Variants in EDN1 observed in about 807,000 individuals in gnomAD.
The protein encoded by EDN1 is endothelin 1.
Under a neutral mutation model 21.7 loss-of-function variants are expected in EDN1, and 11 were observed. The observed-to-expected ratio is 0.51, with a 90% confidence interval of 0.32 to 0.84. The LOEUF (loss-of-function observed/expected upper bound fraction) is 0.84. EDN1 is among the 40% of genes least tolerant of loss of function. The pLI, the probability that EDN1 is intolerant of heterozygous loss-of-function variation, is 0.03. For synonymous variants in EDN1, 85 were observed against 90.6 expected, an observed-to-expected ratio of 0.94 and a Z score of 0.35; for missense variants, 244 against 262.3, an observed-to-expected ratio of 0.93 and a Z score of 0.48.
At chr6:12,270,658 T>A in the EDN1 span, among the ~76,000 whole-genome samples, 4 of 152,220 alleles carry the variant, frequency 2.6e-5, no homozygotes, top group Admixed American at 2.0e-4. Flanking sequence ...AATTTTGATT[T>A]AAAAATTTTT....
the EDN1 span, among the ~76,000 whole-genome samples, chr6:12,281,119 C>T: frequency 2.6e-5 from 4 of 152,166 alleles, no homozygotes; most frequent in Non-Finnish European, 2.9e-5. Context: ...TACATTCCGA[C>T]TGCCTGATTC....
the EDN1 span, among the ~76,000 whole-genome samples, chr6:12,271,602 T>A: frequency 1.3e-5 from 2 of 152,206 alleles, no homozygotes; most frequent in Non-Finnish European, 2.9e-5. Context: ...TATGAAAGAT[T>A]ATGTACCAAC....
At chr6:12,236,539 C>T in the EDN1 span, among the ~76,000 whole-genome samples, 17 of 152,066 alleles carry the variant, frequency 1.1e-4, no homozygotes, top group East Asian at 3.8e-4. Flanking sequence ...GGATTACAGG[C>T]GTGAGCCACC....
At chr6:12,274,259 A>G in the EDN1 span, among the ~76,000 whole-genome samples, 3 of 152,244 alleles carry the variant, frequency 2.0e-5, no homozygotes, top group Non-Finnish European at 4.4e-5. Context: ...ACAATTTAGA[A>G]AAGCATAAGG....
chr6:12,256,024 G>A, the EDN1 span, among the ~76,000 whole-genome samples: 2 of 152,146 alleles, frequency 1.3e-5, no homozygotes, highest in African/African-American at 4.8e-5. Context: ...GTAACCCACT[G>A]TAACTCCTCT....
At chr6:12,284,755 G>GAAAGA in the EDN1 span, among the ~76,000 whole-genome samples, 4 of 145,528 alleles carry the variant, frequency 2.7e-5, no homozygotes, top group Non-Finnish European at 6.2e-5. Flanking sequence ...AAGGAAGAAA[G>GAAAGA]AAAGAAAGAA....
the EDN1 span, among the ~76,000 whole-genome samples, chr6:12,281,637 A>G: frequency 6.7e-6 from 1 of 149,590 alleles, no homozygotes; most frequent in East Asian, 2.0e-4. Flanking sequence ...TGTCATTATT[A>G]ATAGTTTCAC....
the EDN1 span, among the ~76,000 whole-genome samples, chr6:12,283,774 C>A: frequency 1.3e-5 from 2 of 152,216 alleles, no homozygotes; most frequent in Non-Finnish European, 2.9e-5. Context: ...TCATCATAAG[C>A]CACCTGTGTT....
chr6:12,258,129 G>T, the EDN1 span, among the ~76,000 whole-genome samples: 3 of 151,874 alleles, frequency 2.0e-5, no homozygotes, highest in Non-Finnish European at 4.4e-5. Context: ...GCAAGCGGAG[G>T]TGCAGAGGGA....
intron 1 of EDN1, among the ~76,000 whole-genome samples, chr6:12,291,217 TC>T (rs56214323): frequency 0.2 from 18,160 of 91,604 alleles, 1,126 homozygotes; most frequent in East Asian, 0.27. Flanking sequence ...AACTACCGCC[TC>T]CCCCCCCCCC....
the EDN1 span, among the ~76,000 whole-genome samples, chr6:12,238,302 G>A: frequency 7.7e-3 from 1,166 of 152,196 alleles, 21 homozygotes; most frequent in African/African-American, 0.027. Flanking sequence ...CCTCTGGGGT[G>A]TGATAGCACA....
In EDN1 at chr6:12,292,445, T is replaced by A; in HGVS notation, c.169T>A (p.Ser57Thr). The A allele has an allele frequency of 6.2e-7, 1 of 1,614,230 alleles. No homozygotes were observed. Among genetic ancestry groups the A allele is most frequent in the South Asian group, 1.1e-5 (1 of 91,088 alleles). Residue 57 changes from serine (S) to threonine (T), a missense_variant, in exon 2 of 5, where the codon TCC (serine) becomes ACC (threonine). Transcript: ENST00000379375. Reference sequence around the variant, plus strand: ...CCGGTCCAAGCGCTGCTCCTGCTCGTCCCTGATGGATAAAGAGTGTGTCTA... The same window carrying A: ...CCGGTCCAAGCGCTGCTCCTGCTCGACCCTGATGGATAAAGAGTGTGTCTA... ...LRRSKRCSCS[S>T]LMDKECVYFC... is the part of the protein sequence containing the mutation.
the EDN1 span, among the ~76,000 whole-genome samples, chr6:12,247,380 G>T: frequency 6.6e-6 from 1 of 152,140 alleles, no homozygotes; most frequent in African/African-American, 2.4e-5. Context: ...TGATACAGAT[G>T]ATGGCATTGA....
the EDN1 span, among the ~76,000 whole-genome samples, chr6:12,238,191 G>A: frequency 2.7e-3 from 358 of 130,282 alleles, 9 homozygotes; most frequent in East Asian, 0.072. Flanking sequence ...AAAAAAAAAA[G>A]GGAAACCCAA....
intron 2 of EDN1, 140 bp downstream of exon 2, chr6:12,292,649 C>T: frequency 9.9e-7 from 1 of 1,006,510 alleles, no homozygotes; most frequent in Non-Finnish European, 1.5e-6. Context: ...GGACAGTTTC[C>T]CTCTATTCCT....
At chr6:12,265,538 G>C in the EDN1 span, among the ~76,000 whole-genome samples, 1 of 152,138 alleles carries the variant, frequency 6.6e-6, no homozygotes, top group African/African-American at 2.4e-5. Context: ...AGAGGGAGTT[G>C]GTGGCCTTCT....
At chr6:12,258,493 C>A in the EDN1 span, among the ~76,000 whole-genome samples, 1 of 135,176 alleles carries the variant, frequency 7.4e-6, no homozygotes, top group African/African-American at 2.9e-5. Context: ...TCAGTCGCAA[C>A]ATTTCTAGAT....
chr6:12,250,735 G>GA, the EDN1 span, among the ~76,000 whole-genome samples: 1,716 of 151,836 alleles, frequency 0.011, 26 homozygotes, highest in African/African-American at 0.04. Flanking sequence ...ACACTTTTAA[G>GA]AAAAAAAATA....
At chr6:12,242,194 A>T in the EDN1 span, among the ~76,000 whole-genome samples, 8 of 152,094 alleles carry the variant, frequency 5.3e-5, no homozygotes, top group Admixed American at 1.3e-4. Context: ...GTCTCTAGGG[A>T]TTTGAGGGTG....
Sources: gnomAD v4.1 joint callset for allele counts (sites outside exome capture counted in the v4.1 genomes callset) on GRCh38, gnomAD v4.1.1 for gene constraint, MANE v1.5 for transcripts, NCBI Gene and HGNC (gene_info 2026-07-23, HGNC 2026-07-21) for gene names.